Variants in TBXAS1 observed in about 807,000 individuals in gnomAD.
The protein encoded by TBXAS1 is thromboxane-A synthase.
Under a neutral mutation model 60.7 loss-of-function variants are expected in TBXAS1, and 48 were observed. The ratio of observed to expected loss-of-function variants is 0.79; its 90% CI spans 0.63 to 1.01. TBXAS1 has a LOEUF of 1.01. Ranked by LOEUF, TBXAS1 falls within the 50% of genes least tolerant of loss-of-function variation. The pLI is 0.00. For synonymous variants in TBXAS1, 287 were observed against 269.7 expected (o/e 1.06, Z -0.63); for missense variants, 685 against 686.3 (o/e 1.00, Z 0.02).
At chr7:139,934,845 C>G (rs1398198675) in intron 4 of TBXAS1, among the ~76,000 whole-genome samples, 3 of 152,094 alleles carry the variant, frequency 2.0e-5, no homozygotes, top group African/African-American at 7.2e-5. Flanking sequence ...CGGAGTCTTG[C>G]TCTGTTGCCT....
At position 140,013,598 on chromosome 7, in the gene TBXAS1, G is replaced by A. The variant is rs531652418; in HGVS notation, c.1227-2125G>A. Among the ~76,000 whole-genome samples the A allele has an allele frequency of 7.2e-5, 11 of 152,198 alleles. No individual in the cohort carries two copies. The South Asian group carries it at 2.1e-3, about 29-fold the overall frequency. On this transcript the variant is annotated intron_variant, in intron 10 of 12. Transcript: ENST00000448866. The surrounding 1 kb of genome is among the most constrained non-coding windows in gnomAD (Gnocchi z 4.2). Reference sequence around the variant, plus strand: ...TAGAACTCTCCCAGGAACCAGGAACGGCTCTCACTGGCAGGCCTCACGGAG... The same window carrying A: ...TAGAACTCTCCCAGGAACCAGGAACAGCTCTCACTGGCAGGCCTCACGGAG...
At chr7:139,910,394 T>C (rs1310309394) in intron 3 of TBXAS1, among the ~76,000 whole-genome samples, 3 of 152,122 alleles carry the variant, frequency 2.0e-5, no homozygotes, top group Admixed American at 2.0e-4. Context: ...CCCAGCACTT[T>C]GGGAGGCCGA....
At chr7:139,862,432 A>G (rs1801035650) in intron 1 of TBXAS1, among the ~76,000 whole-genome samples, 1 of 152,210 alleles carries the variant, frequency 6.6e-6, no homozygotes, top group African/African-American at 2.4e-5. Flanking sequence ...CAAAGTCATC[A>G]ATGATCTTGA....
intron 10 of TBXAS1, among the ~76,000 whole-genome samples, chr7:140,011,341 A>T (rs1814599094): frequency 1.0e-4 from 1 of 9,812 alleles, no homozygotes; most frequent in Non-Finnish European, 2.0e-4. Flanking sequence ...ATAAAAAAAA[A>T]AGAAAAAAAA....
At chr7:139,868,460 A>G (rs1482039335) in intron 1 of TBXAS1, among the ~76,000 whole-genome samples, 2 of 144,804 alleles carry the variant, frequency 1.4e-5, no homozygotes, top group Admixed American at 6.7e-5. Flanking sequence ...TGGAAACTCC[A>G]GAATTTATTT....
chr7:139,808,381 ATAG>A (rs1323016680), intron 4 of TBXAS1, among the ~76,000 whole-genome samples: 2 of 152,128 alleles, frequency 1.3e-5, no homozygotes, highest in Non-Finnish European at 2.9e-5. Flanking sequence ...ATAATAGTAA[ATAG>A]TAGTAAAATA....
At chr7:139,820,438 C>A (rs1291550884) in intron 4 of TBXAS1, among the ~76,000 whole-genome samples, 1 of 152,218 alleles carries the variant, frequency 6.6e-6, no homozygotes, top group Non-Finnish European at 1.5e-5. Flanking sequence ...TCTGCTGACA[C>A]ATACAGCCAA....
chr7:139,921,081 C>G (rs1436478579), intron 4 of TBXAS1, among the ~76,000 whole-genome samples: 3 of 152,034 alleles, frequency 2.0e-5, no homozygotes, highest in Admixed American at 1.3e-4. Context: ...TTTATTATTC[C>G]TTAGTATTTT....
chr7:139,987,154 G>T (rs1812551622), intron 9 of TBXAS1, among the ~76,000 whole-genome samples: 1 of 152,024 alleles, frequency 6.6e-6, no homozygotes, highest in South Asian at 2.1e-4. Context: ...GATGCCTGGG[G>T]CTCCCCACGG....
At chr7:139,861,180 A>G (rs1189765602) in intron 1 of TBXAS1, among the ~76,000 whole-genome samples, 1 of 152,036 alleles carries the variant, frequency 6.6e-6, no homozygotes, top group Non-Finnish European at 1.5e-5. Flanking sequence ...GTCTCAAAAA[A>G]AAAAAAAAAA....
At chr7:140,012,162 G>A (rs978048422) in intron 10 of TBXAS1, among the ~76,000 whole-genome samples, 1 of 152,214 alleles carries the variant, frequency 6.6e-6, no homozygotes, top group African/African-American at 2.4e-5. Flanking sequence ...CAGAGGGTGT[G>A]ACCAGCGTCT....
intron 5 of TBXAS1, among the ~76,000 whole-genome samples, chr7:139,942,868 G>A (rs903335250): frequency 1.3e-5 from 2 of 152,228 alleles, no homozygotes; most frequent in African/African-American, 4.8e-5. Context: ...AGAGGCAGAT[G>A]TGGTTATTAC....
intron 8 of TBXAS1, among the ~76,000 whole-genome samples, chr7:139,960,164 T>C (rs996508218): frequency 6.6e-6 from 1 of 152,144 alleles, no homozygotes; most frequent in Non-Finnish European, 1.5e-5. Context: ...GTGGCACCCA[T>C]AGTCTTAACC....
chr7:139,895,426 A>G (rs1321356582), intron 3 of TBXAS1, among the ~76,000 whole-genome samples: 1 of 152,172 alleles, frequency 6.6e-6, no homozygotes, highest in African/African-American at 2.4e-5. Context: ...TTTACTAGGG[A>G]TCAGTGAAGG....
Position 139,948,158 on chromosome 7 carries a change from C to T in TBXAS1, c.451-5210C>T, listed in dbSNP as rs186095778. Reference sequence around the variant, plus strand: ...GAGATTACAGGAGTGAGCCACTGTGCCAGGCCCAGACATGTATTTTCTCAC... The same window carrying T: ...GAGATTACAGGAGTGAGCCACTGTGTCAGGCCCAGACATGTATTTTCTCAC... On this transcript the variant is annotated intron_variant, in intron 5 of 12. Coordinates refer to ENST00000448866, the MANE Select transcript of TBXAS1 (RefSeq NM_001061.7). 1.4e-3 allele frequency among the ~76,000 whole-genome samples: 209 copies of T among 152,276 alleles called. 1 individual carries two copies. Among genetic ancestry groups the T allele is most frequent in the Admixed American group, 2.7e-3 (41 of 15,290 alleles).
At chr7:139,857,606 G>A (rs905854282) in intron 1 of TBXAS1, among the ~76,000 whole-genome samples, 2 of 152,082 alleles carry the variant, frequency 1.3e-5, no homozygotes, top group African/African-American at 2.4e-5. Context: ...GTTTTCGGAT[G>A]GTGGCACTAC....
chr7:139,800,433 A>G (rs1569491675), intron 4 of TBXAS1, among the ~76,000 whole-genome samples: 1 of 151,552 alleles, frequency 6.6e-6, no homozygotes, highest in Non-Finnish European at 1.5e-5. Context: ...TCCACCTCTC[A>G]TCTCCTAGGT....
chr7:140,016,405 C>T (rs901140813), intron 11 of TBXAS1: 24 of 299,652 alleles, frequency 8.0e-5, no homozygotes, highest in African/African-American at 5.2e-4. Flanking sequence ...CAAACTGAAT[C>T]CAGAGATTTA....
chr7:139,952,925 T>C (rs1279462793), intron 5 of TBXAS1, among the ~76,000 whole-genome samples: 1 of 152,236 alleles, frequency 6.6e-6, no homozygotes, highest in Admixed American at 6.5e-5. Context: ...TAAGATTCAA[T>C]ATTCTAGTGA....
Sources: allele counts gnomAD v4.1 joint callset (sites outside exome capture counted in the v4.1 genomes callset), GRCh38; gene constraint gnomAD v4.1.1; non-coding constraint Gnocchi (gnomAD v3.1); transcripts MANE v1.5; gene names NCBI Gene and HGNC (gene_info 2026-07-23, HGNC 2026-07-21).